The following TACR1 variants were observed in gnomAD, a reference collection of about 807,000 sequenced individuals.
TACR1 encodes substance-P receptor.
In TACR1, 25 loss-of-function variants were observed where a neutral mutation model predicts 35.8. The observed-to-expected ratio is 0.70, with a 90% CI of 0.51 to 0.98. The LOEUF (loss-of-function observed/expected upper bound fraction) is 0.98, where lower values mean the gene tolerates loss of function less well. TACR1 is among the 50% of genes least tolerant of loss of function. The probability of loss-of-function intolerance (pLI) is 0.00; values close to 1 mark genes in which losing one functional copy is unlikely to be tolerated. For missense variants in TACR1, 478 were observed against 522.9 expected, an observed-to-expected ratio of 0.91 and a Z score of 0.84; for synonymous variants, 195 against 206.7, an observed-to-expected ratio of 0.94 and a Z score of 0.48.
chr2:75,089,177 G>A (rs1235997805), intron 2 of TACR1, among the ~76,000 whole-genome samples: 1 of 152,214 alleles, frequency 6.6e-6, no homozygotes, highest in Admixed American at 6.5e-5. Context: ...ATCTCCTGGA[G>A]ATCATAGCTG....
At chr2:75,078,118 T>C (rs1048342290) in intron 2 of TACR1, among the ~76,000 whole-genome samples, 1 of 152,200 alleles carries the variant, frequency 6.6e-6, no homozygotes, top group African/African-American at 2.4e-5. Flanking sequence ...GGTAGGTCTC[T>C]ACTACCATCA....
intron 1 of TACR1, among the ~76,000 whole-genome samples, chr2:75,140,326 T>C (rs1674377471): frequency 6.6e-6 from 1 of 152,130 alleles, no homozygotes; most frequent in South Asian, 2.1e-4. Context: ...CAGAAAAGTT[T>C]TGTTTTACTT....
intron 1 of TACR1, among the ~76,000 whole-genome samples, chr2:75,122,972 C>T (rs1673998253): frequency 6.6e-6 from 1 of 152,104 alleles, no homozygotes; most frequent in South Asian, 2.1e-4. Flanking sequence ...AGCCCTGTAT[C>T]CTCTTCAATC....
Position 75,198,920 on chromosome 2 carries a change from G to C in TACR1, c.15C>G (p.Leu5=). The change falls in exon 1 of 5, where the codon CTC becomes CTG. Residue 5 remains leucine, a synonymous_variant. Transcript: ENST00000305249. The part of the protein sequence containing the change: MDNV[L]PVDSDLSPNI... ...TTGGGGAGAGGTCTGAGTCCACCGG[G>C]AGGACGTTATCCATTTCGAAGCTAG... is the stretch of plus-strand genomic sequence containing the variant. The C allele has an allele frequency of 6.2e-7, 1 of 1,613,458 alleles. No homozygotes were observed. Among genetic ancestry groups the C allele is most frequent in the South Asian group, 1.1e-5 (1 of 91,026 alleles).
At chr2:75,087,882 G>A (rs1169270367) in intron 2 of TACR1, among the ~76,000 whole-genome samples, 1 of 152,184 alleles carries the variant, frequency 6.6e-6, no homozygotes, top group Non-Finnish European at 1.5e-5. Flanking sequence ...GTGGTATTTG[G>A]CAAAGTGCTA....
At chr2:75,156,854 G>C (rs1313988679) in intron 1 of TACR1, among the ~76,000 whole-genome samples, 2 of 152,204 alleles carry the variant, frequency 1.3e-5, no homozygotes, top group Non-Finnish European at 2.9e-5. Context: ...ATGCTCATTA[G>C]TGTCTAGTTT....
At chr2:75,050,395 C>T (rs1672441676) in intron 4 of TACR1, among the ~76,000 whole-genome samples, 1 of 152,180 alleles carries the variant, frequency 6.6e-6, no homozygotes, top group Non-Finnish European at 1.5e-5. Context: ...TCACAGAAGG[C>T]ACCTTACAGG....
intron 1 of TACR1, among the ~76,000 whole-genome samples, chr2:75,162,252 TA>T (rs1675028081): frequency 6.6e-6 from 1 of 152,190 alleles, no homozygotes; most frequent in Admixed American, 6.5e-5. Flanking sequence ...ATTAAAAGTT[TA>T]CATAATCAGA....
Position 75,198,768 on chromosome 2 carries a change from A to G in TACR1, c.167T>C (p.Ile56Thr). 1 of 1,614,170 alleles carries G rather than the reference A, an allele frequency of 6.2e-7. No homozygotes were observed. Among genetic ancestry groups the G allele is most frequent in the Non-Finnish European group, 8.5e-7 (1 of 1,180,032 alleles). The change falls in exon 1 of 5, where the codon ATC becomes ACC. Residue 56 changes from isoleucine (I) to threonine (T), a missense_variant. Transcript: ENST00000305249. ...CCTCATTCTTTTGTGGGCTAAGATG[A>G]TCCACATCACTACCACGTTGCCCAC... is the stretch of plus-strand genomic sequence containing the variant. Reference protein sequence around the residue: ...SVVGNVVVMWIILAHKRMRTV... With the variant: ...SVVGNVVVMWTILAHKRMRTV...
chr2:75,152,484 C>T (rs140215544), intron 1 of TACR1, among the ~76,000 whole-genome samples: 1 of 152,086 alleles, frequency 6.6e-6, no homozygotes, highest in Non-Finnish European at 1.5e-5. Flanking sequence ...TCTTTCACCT[C>T]CCCCCATGAT....
intron 1 of TACR1, among the ~76,000 whole-genome samples, chr2:75,157,379 C>T (rs1674889347): frequency 6.6e-6 from 1 of 152,208 alleles, no homozygotes; most frequent in African/African-American, 2.4e-5. Flanking sequence ...CTTTCCTACT[C>T]TCCCAAAAGA....
intron 1 of TACR1, among the ~76,000 whole-genome samples, chr2:75,195,057 G>A: frequency 6.6e-6 from 1 of 152,064 alleles, no homozygotes; most frequent in Non-Finnish European, 1.5e-5. Flanking sequence ...GGGCTGTTGA[G>A]GGGGGAGTCA....
chr2:75,053,117 A>G (rs1016612185), intron 3 of TACR1, among the ~76,000 whole-genome samples: 1 of 152,136 alleles, frequency 6.6e-6, no homozygotes, highest in African/African-American at 2.4e-5. Flanking sequence ...CACCACAGTC[A>G]GGATACAGAG....
chr2:75,124,382 C>T (rs1273527499), intron 1 of TACR1, among the ~76,000 whole-genome samples: 1 of 152,208 alleles, frequency 6.6e-6, no homozygotes, highest in Admixed American at 6.5e-5. Context: ...AACGTCTTTC[C>T]TCTACGATGA....
In TACR1 at chr2:75,173,092, G is replaced by A. The variant is rs578034326; in HGVS notation, c.389+25454C>T. 6.6e-5 allele frequency among the ~76,000 whole-genome samples: 10 copies of A among 152,128 alleles called. No individual in the cohort carries two copies. The East Asian group carries it at 9.6e-4, about 15-fold the overall frequency. On this transcript the variant is annotated intron_variant, in intron 1 of 4. Transcript: ENST00000305249. ...AATCTTGGGGTGGGGGGTCAGGAAC[G>A]GACACAATTCAACCCATAACAGTGC... is the stretch of plus-strand genomic sequence containing the variant.
intron 2 of TACR1, among the ~76,000 whole-genome samples, chr2:75,073,334 T>G (rs1488346249): frequency 6.6e-6 from 1 of 152,222 alleles, no homozygotes; most frequent in African/African-American, 2.4e-5. Context: ...CACAGTCACT[T>G]TATTTCTAAG....
chr2:75,157,037 A>G (rs914147507), intron 1 of TACR1, among the ~76,000 whole-genome samples: 7 of 152,124 alleles, frequency 4.6e-5, no homozygotes, highest in African/African-American at 1.7e-4. Flanking sequence ...CAAAGGACTC[A>G]TGTCTCCCAT....
At chr2:75,163,057 G>A (rs1021194767) in intron 1 of TACR1, among the ~76,000 whole-genome samples, 1 of 152,182 alleles carries the variant, frequency 6.6e-6, no homozygotes, top group Non-Finnish European at 1.5e-5. Context: ...CCTGGCTAAG[G>A]CAGTTAAGAG....
chr2:75,148,124 G>A (rs771342748), intron 1 of TACR1, among the ~76,000 whole-genome samples: 2 of 152,108 alleles, frequency 1.3e-5, no homozygotes, highest in Non-Finnish European at 2.9e-5. Flanking sequence ...TATCATTGAT[G>A]GGCATTTGGG....
Sources: allele counts gnomAD v4.1 joint callset (sites outside exome capture counted in the v4.1 genomes callset), GRCh38; gene constraint gnomAD v4.1.1; transcripts MANE v1.5; gene names NCBI Gene and HGNC (gene_info 2026-07-23, HGNC 2026-07-21).